Variants in GNPTG observed in about 807,000 individuals in gnomAD.
GNPTG encodes N-acetylglucosamine-1-phosphate transferase subunit gamma.
In GNPTG, 46 loss-of-function variants were observed where a neutral mutation model predicts 43.8. The observed-to-expected ratio is 1.05, with a 90% CI of 0.83 to 1.34. GNPTG has a LOEUF of 1.34. Ranked by LOEUF, GNPTG falls within the 40% of genes most tolerant of loss-of-function variation. The pLI is 0.00. For missense variants in GNPTG, 549 were observed against 411.3 expected (o/e 1.33, Z -2.90); for synonymous variants, 250 against 172.8 (o/e 1.45, Z -3.50).
intron 3 of GNPTG, among the ~76,000 whole-genome samples, chr16:1,358,716 G>A (rs1425204597): frequency 1.3e-5 from 2 of 152,098 alleles, no homozygotes; most frequent in African/African-American, 2.4e-5. Flanking sequence ...AGCATTGCAC[G>A]AGGGGTCCAG....
At chr16:1,361,663 C>A in intron 3 of GNPTG, 80 bp from the exon 4 acceptor site, 2 of 1,486,792 alleles carry the variant, frequency 1.3e-6, no homozygotes, top group Non-Finnish European at 9.4e-7. Flanking sequence ...GAAAACTGGT[C>A]CTTTGAAAAC....
At chr16:1,356,550 G>A (rs2034779368) in intron 3 of GNPTG, among the ~76,000 whole-genome samples, 1 of 152,182 alleles carries the variant, frequency 6.6e-6, no homozygotes. Flanking sequence ...CAGAGGACCT[G>A]GGGTACTGGG....
Position 1,361,630 on chromosome 16 carries a change from T to TGAGA in GNPTG, c.179-112_179-109dup. 3 of 1,070,520 alleles carry TGAGA rather than the reference T, an allele frequency of 2.8e-6. No individual in the cohort carries two copies. In the South Asian group the frequency reaches 4.0e-5, roughly 14 times the overall value. The allele number at this position is 1,070,520 out of a possible 1,614,324, so 66.3% of individuals were successfully genotyped here. Reference sequence around the variant, plus strand: ...CTGCACTCCAGCCTGGGTGACAGAGTGAGACTCCATCTCAAAAAAAAAGAA... The same window carrying TGAGA: ...CTGCACTCCAGCCTGGGTGACAGAGTGAGAGAGACTCCATCTCAAAAAAAAAGAA... On this transcript the variant is annotated intron_variant, in intron 3 of 10. Coordinates refer to ENST00000204679, the MANE Select transcript of GNPTG (RefSeq NM_032520.5).
At chr16:1,358,168 T>A (rs1031928978) in intron 3 of GNPTG, 6 of 151,956 alleles carry the variant, frequency 3.9e-5, no homozygotes, top group Non-Finnish European at 4.4e-5. Context: ...GGCTGGAGGG[T>A]AGGGACGCTG....
chr16:1,355,269 G>A (rs533086634), intron 3 of GNPTG, among the ~76,000 whole-genome samples: 3 of 152,356 alleles, frequency 2.0e-5, no homozygotes, highest in African/African-American at 7.2e-5. Flanking sequence ...TTCTGTCTTT[G>A]ATGTAGCGCT....
chr16:1,360,974 G>C, intron 3 of GNPTG: 1 of 152,478 alleles, frequency 6.6e-6, no homozygotes, highest in Non-Finnish European at 1.5e-5. Context: ...GCTCTGTCAC[G>C]CAGGCTGGAG....
rs201531462 is a variant in GNPTG, at chr16:1,361,915, G to A, written c.277G>A (p.Glu93Lys). ...FCPFHNVTQH[E>K]QTFRWNAYSG... is the part of the protein sequence containing the mutation. ...CCCGTTCCACAACGTGACCCAGCAC[G>A]AGCAGACCTTCCGCTGGAACGCCTA... Residue 93 changes from glutamate (E) to lysine (K), a missense_variant, in exon 5 of 11, where the codon GAG (glutamate) becomes AAG (lysine). Transcript: ENST00000204679. 13 of 1,613,742 alleles carry A rather than the reference G, an allele frequency of 8.1e-6. No homozygotes were observed. Among genetic ancestry groups the A allele is most frequent in the African/African-American group, 4.0e-5 (3 of 75,058 alleles).
At chr16:1,356,871 A>ATCTGCGGGCGGGGG (rs1186706191) in intron 3 of GNPTG, among the ~76,000 whole-genome samples, 4 of 151,274 alleles carry the variant, frequency 2.6e-5, no homozygotes, top group African/African-American at 9.7e-5. Flanking sequence ...GAGAGCGGGA[A>ATCTGCGGGCGGGGG]TCTGCGGGCG....
Position 1,351,932 on chromosome 16 carries a change from C to G in GNPTG, c.-34C>G. ...GGTCCCCGTGGTCACGTGACCGTCA[C>G]TTCACGTGACCGCGCGGCGGCCGCT... On this transcript the variant is annotated 5_prime_UTR_variant, in exon 1 of 11. Transcript: ENST00000204679. 1 of 1,276,556 alleles carries G rather than the reference C, an allele frequency of 7.8e-7. No individual in the cohort carries two copies. Among genetic ancestry groups the G allele is most frequent in the Non-Finnish European group, 9.8e-7 (1 of 1,018,332 alleles). The allele number at this position is 1,276,556 out of a possible 1,614,324, so 79.1% of individuals were successfully genotyped here.
At chr16:1,361,829 G>A in intron 4 of GNPTG, 32 bp downstream of exon 4, 3 of 1,613,812 alleles carry the variant, frequency 1.9e-6, no homozygotes, top group Non-Finnish European at 2.5e-6. Flanking sequence ...GGGTGGGCTG[G>A]GGCGCAGCCT....
Position 1,362,217 on chromosome 16 carries a change from G to T in GNPTG, c.423G>T (p.Ala141=), listed in dbSNP as rs530486639. Residue 141 remains alanine, a synonymous_variant, in exon 7 of 11, where the codon GCG becomes GCT. Transcript: ENST00000204679. ...SRSRQSKVEL[A]CGKSNRLAHV... ...CGTTCCCTCCCCAGGTGGAGCTGGCGTGTGGAAAAAGCAACCGGCTGGCCC... is the reference window on the plus strand; with the variant it reads ...CGTTCCCTCCCCAGGTGGAGCTGGCTTGTGGAAAAAGCAACCGGCTGGCCC... 2.5e-6 allele frequency: 4 copies of T among 1,613,572 alleles called. No individual in the cohort carries two copies. The highest frequency in any genetic ancestry group is 3.4e-6 in the Non-Finnish European group (4 of 1,179,956).
At chr16:1,359,910 G>A (rs375288825) in intron 3 of GNPTG, among the ~76,000 whole-genome samples, 7 of 151,972 alleles carry the variant, frequency 4.6e-5, no homozygotes, top group African/African-American at 1.7e-4. Flanking sequence ...AGGAGTTTGA[G>A]ACCATCCTGG....
rs748714052 is a variant in GNPTG, at chr16:1,362,876, C to G, written c.793C>G (p.Gln265Glu). 1 of 1,613,914 alleles carries G rather than the reference C, an allele frequency of 6.2e-7. No homozygotes were observed. Among genetic ancestry groups the G allele is most frequent in the Admixed American group, 1.7e-5 (1 of 60,004 alleles). The change falls in exon 10 of 11, where the codon CAG (glutamine) becomes GAG (glutamate). Residue 265 changes from glutamine (Q) to glutamate (E), a missense_variant. Gln to Glu is a conservative substitution (Grantham distance 29). Coordinates refer to ENST00000204679, the MANE Select transcript of GNPTG (RefSeq NM_032520.5). Reference sequence around the variant, plus strand: ...CAAAAGGCTGAAAGGTTTGCTCACCCAGCACGGCATCCCCTACACGAGGCC... The same window carrying G: ...CAAAAGGCTGAAAGGTTTGCTCACCGAGCACGGCATCCCCTACACGAGGCC... ...EIKRLKGLLT[Q>E]HGIPYTRPTE... is the part of the protein sequence containing the mutation.
chr16:1,352,130 GA>G lies in GNPTG; in HGVS notation c.83del (p.Lys28ArgfsTer11). The G allele has an allele frequency of 6.3e-7, 1 of 1,582,980 alleles. No individual in the cohort carries two copies. The highest frequency in any genetic ancestry group is 1.8e-5 in the Admixed American group (1 of 55,244). On this transcript the variant is annotated frameshift_variant, in exon 2 of 11. Transcript: ENST00000204679. LOFTEE classifies it high-confidence loss of function. The part of the protein sequence containing the change: ...GPAPAGAAKM[K>X]VVEEPNAFGV... ...CCGCGCCGGCAGGTGCAGCGAAGATGAAGGTGGTGGAGGAGCCCAACGCGTT... is the reference window on the plus strand; with the variant it reads ...CCGCGCCGGCAGGTGCAGCGAAGATGAGGTGGTGGAGGAGCCCAACGCGTT...
chr16:1,355,350 G>A (rs897043111), intron 3 of GNPTG, among the ~76,000 whole-genome samples: 2 of 152,216 alleles, frequency 1.3e-5, no homozygotes, highest in Non-Finnish European at 2.9e-5. Flanking sequence ...AATGAGCTGA[G>A]CAGAAAGATA....
intron 3 of GNPTG, among the ~76,000 whole-genome samples, chr16:1,354,599 A>AAAAAAAAAAAAAAAAT (rs2034741147): frequency 6.6e-6 from 1 of 150,394 alleles, no homozygotes; most frequent in African/African-American, 2.4e-5. Context: ...AAAAAAAAAA[A>AAAAAAAAAAAAAAAAT]AAAAAAAAAA....
Position 1,362,865 on chromosome 16 carries a change from GT to G in GNPTG, c.785del (p.Leu262CysfsTer72), listed in dbSNP as rs777891872. 1 of 1,613,832 alleles carries G rather than the reference GT, an allele frequency of 6.2e-7. No individual in the cohort carries two copies. The highest frequency in any genetic ancestry group is 8.5e-7 in the Non-Finnish European group (1 of 1,179,932). ...ELSKEIKRLK[G>X]LLTQHGIPYT... The stretch of plus-strand genomic sequence containing the variant: ...TCAAAGGAGATCAAAAGGCTGAAAG[GT>G]TTGCTCACCCAGCACGGCATCCCCT... On this transcript the variant is annotated frameshift_variant, in exon 10 of 11. Coordinates refer to ENST00000204679, the MANE Select transcript of GNPTG (RefSeq NM_032520.5). LOFTEE classifies it low-confidence loss of function (END_TRUNC).
chr16:1,360,195 C>T (rs1448365913), intron 3 of GNPTG, among the ~76,000 whole-genome samples: 3 of 152,146 alleles, frequency 2.0e-5, no homozygotes, highest in Non-Finnish European at 4.4e-5. Context: ...GGTGTCTTGG[C>T]ACATTGACCC....
At chr16:1,355,631 G>T (rs1238638227) in intron 3 of GNPTG, among the ~76,000 whole-genome samples, 1 of 152,152 alleles carries the variant, frequency 6.6e-6, no homozygotes, top group South Asian at 2.1e-4. Context: ...GGTCAGTGTG[G>T]TGGTCCTGCC....
Sources: allele counts gnomAD v4.1 joint callset (sites outside exome capture counted in the v4.1 genomes callset), GRCh38; gene constraint gnomAD v4.1.1; transcripts MANE v1.5; gene names NCBI Gene and HGNC (gene_info 2026-07-23, HGNC 2026-07-21).